The following PKP4 variants were observed in gnomAD, a reference collection of about 807,000 sequenced individuals.
PKP4 encodes the protein plakophilin-4.
In PKP4, 90 loss-of-function variants were observed where a neutral mutation model predicts 145.1. The observed-to-expected ratio is 0.62, with a 90% CI of 0.52 to 0.74. The LOEUF (loss-of-function observed/expected upper bound fraction) is 0.74. Ranked by LOEUF, PKP4 falls within the 30% of genes least tolerant of loss-of-function variation. The probability of loss-of-function intolerance (pLI) is 0.00; values close to 1 mark genes in which losing one functional copy is unlikely to be tolerated. For missense variants in PKP4, 1,340 were observed against 1,482.7 expected (o/e 0.90, Z 1.58); for synonymous variants, 563 against 577.2 (o/e 0.98, Z 0.35).
chr2:158,482,388 A>G (rs1233214687), intron 1 of PKP4, among the ~76,000 whole-genome samples: 1 of 152,064 alleles, frequency 6.6e-6, no homozygotes, highest in Non-Finnish European at 1.5e-5. Flanking sequence ...GACCCAAGTG[A>G]TCCTCCTGCT....
intron 1 of PKP4, among the ~76,000 whole-genome samples, chr2:158,480,207 C>T (rs1693130543): frequency 6.6e-6 from 1 of 152,096 alleles, no homozygotes; most frequent in African/African-American, 2.4e-5. Flanking sequence ...TCAAAATTTG[C>T]CTCCTATATG....
intron 9 of PKP4, among the ~76,000 whole-genome samples, chr2:158,636,656 A>T (rs1453383633): frequency 6.6e-6 from 1 of 152,014 alleles, no homozygotes; most frequent in Admixed American, 6.5e-5. Flanking sequence ...AACACATAGG[A>T]TCACTTTATT....
intron 4 of PKP4, among the ~76,000 whole-genome samples, chr2:158,605,490 T>C (rs565317347): frequency 3.0e-4 from 46 of 152,316 alleles, no homozygotes; most frequent in Admixed American, 2.5e-3. Context: ...CTTTATAGCC[T>C]AACAGGACGT....
intron 2 of PKP4, among the ~76,000 whole-genome samples, chr2:158,555,823 C>A (rs2046039901): frequency 6.6e-6 from 1 of 152,168 alleles, no homozygotes; most frequent in Admixed American, 6.5e-5. Flanking sequence ...TCTTCTGTGG[C>A]CTATTTTTTT....
intron 2 of PKP4, among the ~76,000 whole-genome samples, chr2:158,570,731 A>G (rs964405629): frequency 1.3e-5 from 2 of 152,190 alleles, no homozygotes; most frequent in African/African-American, 4.8e-5. Flanking sequence ...TCTAAAAATT[A>G]CTATGTATTT....
At chr2:158,522,903 G>T (rs1012887314) in intron 1 of PKP4, among the ~76,000 whole-genome samples, 1 of 152,186 alleles carries the variant, frequency 6.6e-6, no homozygotes, top group Non-Finnish European at 1.5e-5. Flanking sequence ...ACTCCCACCC[G>T]AATACTGCCC....
chr2:158,542,775 A>G (rs2044631725), intron 2 of PKP4, among the ~76,000 whole-genome samples: 1 of 152,162 alleles, frequency 6.6e-6, no homozygotes, highest in Admixed American at 6.6e-5. Context: ...TCTCCTTACT[A>G]CTACTACCAC....
intron 3 of PKP4, among the ~76,000 whole-genome samples, chr2:158,597,377 G>A (rs2049844707): frequency 6.6e-6 from 1 of 152,198 alleles, no homozygotes; most frequent in Admixed American, 6.5e-5. Context: ...CCTACTCAAT[G>A]CCAGTTCCTG....
chr2:158,500,682 T>C (rs994271130), intron 1 of PKP4, among the ~76,000 whole-genome samples: 3 of 152,342 alleles, frequency 2.0e-5, no homozygotes, highest in African/African-American at 2.4e-5. Flanking sequence ...CTTACATTGT[T>C]GGCCTACAGC....
At chr2:158,555,995 A>T (rs1306741103) in intron 2 of PKP4, among the ~76,000 whole-genome samples, 2 of 152,212 alleles carry the variant, frequency 1.3e-5, no homozygotes, top group Non-Finnish European at 1.5e-5. Context: ...AGGACAGGGC[A>T]TTTATATTCT....
At position 158,673,748 on chromosome 2, in the gene PKP4, G is replaced by A. The variant is rs754275377; in HGVS notation, c.2996G>A (p.Ser999Asn). 5 of 1,611,626 alleles carry A rather than the reference G, an allele frequency of 3.1e-6. No homozygotes were observed. The South Asian group carries it at 5.5e-5, about 18-fold the overall frequency. Residue 999 changes from serine to asparagine, a missense_variant, in exon 18 of 22, where the codon AGC becomes AAC. By Grantham distance (46) the Ser-to-Asn change is conservative. Transcript: ENST00000389759. ...NTLWQYRDLR[S>N]IYKKDGWNQN... ...TTATGGCAATATCGGGACCTCCGGA[G>A]CATTTATAAAAAGGTAACCTACAAG...
In PKP4 at chr2:158,459,804, C is replaced by CAG. The variant is rs1298723970; in HGVS notation, c.-6+2587_-6+2588insGA. Among the ~76,000 whole-genome samples the CAG allele has an allele frequency of 4.6e-5, 7 of 151,968 alleles. No homozygotes were observed. The South Asian group carries it at 1.0e-3, about 23-fold the overall frequency. Reference sequence around the variant, plus strand: ...GATGTATGGATCACACACACACACACACACACACGACACACACACACACGA... The same window carrying CAG: ...GATGTATGGATCACACACACACACACAGACACACACGACACACACACACACGA... On this transcript the variant is annotated intron_variant, in intron 1 of 21. Coordinates refer to ENST00000389759, the MANE Select transcript of PKP4 (RefSeq NM_003628.6).
At position 158,597,734 on chromosome 2, in the gene PKP4, T is replaced by C. The variant is rs1574696094; in HGVS notation, c.246-5336T>C. 2.6e-5 allele frequency among the ~76,000 whole-genome samples: 4 copies of C among 152,350 alleles called. No homozygotes were observed. In the South Asian group the frequency reaches 8.3e-4, roughly 32 times the overall value. ...ATTTAATTTGTTATTGGCTATGGTTTATTTTTTCAGCTATTAATGAGTTAT... is the reference window on the plus strand; with the variant it reads ...ATTTAATTTGTTATTGGCTATGGTTCATTTTTTCAGCTATTAATGAGTTAT... On this transcript the variant is annotated intron_variant, in intron 3 of 21. Transcript: ENST00000389759.
At chr2:158,661,146 T>A in intron 12 of PKP4, 187 bp from the exon 13 acceptor site, 1 of 511,856 alleles carries the variant, frequency 2.0e-6, no homozygotes, top group Non-Finnish European at 3.6e-6. Flanking sequence ...CCCTTCCATG[T>A]GTGGATAATG....
At chr2:158,614,715 C>T (rs1208764209) in intron 4 of PKP4, among the ~76,000 whole-genome samples, 1 of 152,156 alleles carries the variant, frequency 6.6e-6, no homozygotes, top group African/African-American at 2.4e-5. Context: ...ATATGAAAAT[C>T]AAGAATCCAG....
At chr2:158,626,424 G>A (rs888635378) in intron 7 of PKP4, among the ~76,000 whole-genome samples, 4 of 152,100 alleles carry the variant, frequency 2.6e-5, no homozygotes, top group African/African-American at 9.7e-5. Context: ...CCTCCTAATG[G>A]ACAGTTAGGT....
At chr2:158,506,651 T>C (rs2105512273) in intron 1 of PKP4, among the ~76,000 whole-genome samples, 1 of 152,338 alleles carries the variant, frequency 6.6e-6, no homozygotes, top group Non-Finnish European at 1.5e-5. Flanking sequence ...TGATCAAGAA[T>C]TGACACAATA....
intron 2 of PKP4, among the ~76,000 whole-genome samples, chr2:158,543,343 A>T (rs186853224): frequency 6.6e-6 from 1 of 152,170 alleles, no homozygotes; most frequent in Non-Finnish European, 1.5e-5. Context: ...ATTTGGTTAC[A>T]TTAGTGGTAG....
chr2:158,537,258 A>T (rs3771598), intron 2 of PKP4, among the ~76,000 whole-genome samples: 61,070 of 152,014 alleles, frequency 0.4, 12,991 homozygotes, highest in East Asian at 0.68. Flanking sequence ...CAATCTTTGC[A>T]TAGTACAAAA....
Sources: gnomAD v4.1 joint callset for allele counts (sites outside exome capture counted in the v4.1 genomes callset) on GRCh38, gnomAD v4.1.1 for gene constraint, MANE v1.5 for transcripts, NCBI Gene and HGNC (gene_info 2026-07-23, HGNC 2026-07-21) for gene names.